Variants in KCNQ5 observed in about 807,000 individuals in gnomAD.
KCNQ5 encodes the protein potassium voltage-gated channel subfamily KQT member 5.
A neutral mutation model predicts 98.2 loss-of-function variants in KCNQ5; 30 were observed. The observed-to-expected ratio is 0.31, with a 90% confidence interval of 0.23 to 0.41. The LOEUF is 0.41. Among genes scored for constraint, KCNQ5 ranks in the 10% least tolerant of loss-of-function variants. The pLI is 1.00. For synonymous variants in KCNQ5, 458 were observed against 449.4 expected (o/e 1.02, Z -0.24); for missense variants, 835 against 1,182.5 (o/e 0.71, Z 4.31).
chr6:72,728,038 G>T (rs1472234589), intron 1 of KCNQ5, among the ~76,000 whole-genome samples: 1 of 152,110 alleles, frequency 6.6e-6, no homozygotes, highest in Non-Finnish European at 1.5e-5. Flanking sequence ...GTGTACTTCT[G>T]CTAACATACT....
At chr6:73,178,188 G>A (rs1361439786) in intron 11 of KCNQ5, among the ~76,000 whole-genome samples, 5 of 150,944 alleles carry the variant, frequency 3.3e-5, no homozygotes, top group South Asian at 4.2e-4. Context: ...AAATTTAGTC[G>A]CCATATCAAT....
chr6:72,728,249 A>G lies in KCNQ5; in HGVS notation c.398+105662A>G, dbSNP rs980982304. On this transcript the variant is annotated intron_variant, in intron 1 of 13. Coordinates refer to ENST00000370398, the MANE Select transcript of KCNQ5 (RefSeq NM_019842.4). ...ATGCCACCCACACACAAAATAGCTTACTTCTGTCTCATTTTGTATATAAAT... is the reference window on the plus strand; with the variant it reads ...ATGCCACCCACACACAAAATAGCTTGCTTCTGTCTCATTTTGTATATAAAT... 2.0e-4 allele frequency among the ~76,000 whole-genome samples: 30 copies of G among 152,262 alleles called. 1 individual carries two copies. Among genetic ancestry groups the G allele is most frequent in the Admixed American group, 1.9e-3 (29 of 15,292 alleles).
At chr6:72,974,487 G>C (rs561931222) in intron 1 of KCNQ5, among the ~76,000 whole-genome samples, 1 of 151,630 alleles carries the variant, frequency 6.6e-6, no homozygotes, top group African/African-American at 2.4e-5. Flanking sequence ...TGCCAGCCTC[G>C]TGCATTTTCA....
intron 6 of KCNQ5, among the ~76,000 whole-genome samples, chr6:73,109,733 G>C (rs1775150327): frequency 6.6e-6 from 1 of 152,154 alleles, no homozygotes; most frequent in Non-Finnish European, 1.5e-5. Context: ...GTATGAGATA[G>C]AGATCTTAGA....
chr6:72,838,343 A>G (rs1214099579), intron 1 of KCNQ5, among the ~76,000 whole-genome samples: 2 of 152,114 alleles, frequency 1.3e-5, no homozygotes, highest in South Asian at 2.1e-4. Context: ...GAAAAAAATA[A>G]TATTTTGTAA....
At chr6:72,628,270 G>A (rs12175428) in intron 1 of KCNQ5, among the ~76,000 whole-genome samples, 6 of 152,050 alleles carry the variant, frequency 3.9e-5, no homozygotes, top group Non-Finnish European at 7.4e-5. Context: ...TCATTTAAAA[G>A]AAAAAAGATA....
chr6:73,079,471 G>A (rs1773677549), intron 5 of KCNQ5, among the ~76,000 whole-genome samples: 1 of 152,184 alleles, frequency 6.6e-6, no homozygotes, highest in Non-Finnish European at 1.5e-5. Flanking sequence ...TCATCAGCAA[G>A]ACCCAGAACA....
chr6:72,974,613 T>C (rs2150288737), intron 1 of KCNQ5, among the ~76,000 whole-genome samples: 1 of 152,296 alleles, frequency 6.6e-6, no homozygotes, highest in Middle Eastern at 3.4e-3. Context: ...ATATGGGACA[T>C]GTTTATTTAG....
At chr6:73,141,963 T>G (rs554922375) in intron 10 of KCNQ5, among the ~76,000 whole-genome samples, 1 of 152,214 alleles carries the variant, frequency 6.6e-6, no homozygotes, top group East Asian at 1.9e-4. Context: ...AAATCTCATA[T>G]GAGGTTGCAG....
At chr6:73,118,788 G>A (rs369931107) in intron 7 of KCNQ5, among the ~76,000 whole-genome samples, 8 of 152,260 alleles carry the variant, frequency 5.3e-5, no homozygotes, top group African/African-American at 1.2e-4. Context: ...TTGGGAGGCC[G>A]AGGTGGCAGA....
Position 73,176,770 on chromosome 6 carries a change from G to A in KCNQ5, c.1577+6916G>A, listed in dbSNP as rs554755612. Among the ~76,000 whole-genome samples, 35 of 152,274 alleles carry A rather than the reference G, an allele frequency of 2.3e-4. No homozygotes were observed. The South Asian group carries it at 6.8e-3, about 30-fold the overall frequency. ...ATGGTGAGACAGGCTGGCTTGAGGG[G>A]AGATGGTGCATTATTGTGAGTGTTG... is the stretch of plus-strand genomic sequence containing the variant. On this transcript the variant is annotated intron_variant, in intron 11 of 13. Transcript: ENST00000370398.
At chr6:72,981,219 T>A (rs1768428201) in intron 1 of KCNQ5, among the ~76,000 whole-genome samples, 3 of 152,200 alleles carry the variant, frequency 2.0e-5, no homozygotes, top group Admixed American at 6.5e-5. Flanking sequence ...ATTGGAATAG[T>A]TTCAGAAGAA....
chr6:72,735,543 T>TA (rs879537790), intron 1 of KCNQ5, among the ~76,000 whole-genome samples: 2 of 152,128 alleles, frequency 1.3e-5, no homozygotes, highest in African/African-American at 4.8e-5. Flanking sequence ...ACTATCTTCA[T>TA]AAAAAATGAC....
chr6:72,789,275 G>C (rs576722826), intron 1 of KCNQ5, among the ~76,000 whole-genome samples: 2 of 152,228 alleles, frequency 1.3e-5, no homozygotes, highest in Non-Finnish European at 2.9e-5. Flanking sequence ...TTGTGCCTCA[G>C]CCTCCTGAGT....
At chr6:72,749,173 C>A (rs1234063106) in intron 1 of KCNQ5, among the ~76,000 whole-genome samples, 1 of 152,158 alleles carries the variant, frequency 6.6e-6, no homozygotes. Context: ...ATTCTCAACA[C>A]CCCAAAACAT....
intron 1 of KCNQ5, among the ~76,000 whole-genome samples, chr6:72,711,105 A>C (rs79323094): frequency 0.12 from 18,674 of 152,082 alleles, 1,318 homozygotes; most frequent in East Asian, 0.22. Flanking sequence ...GACTTTAAAG[A>C]AGTAACTAAG....
chr6:72,859,274 T>A (rs1777660752), intron 1 of KCNQ5, among the ~76,000 whole-genome samples: 1 of 152,156 alleles, frequency 6.6e-6, no homozygotes, highest in Non-Finnish European at 1.5e-5. Context: ...CCATAATGCC[T>A]TGAGAAAAAA....
At chr6:72,828,091 T>A (rs1334359276) in intron 1 of KCNQ5, among the ~76,000 whole-genome samples, 1 of 152,162 alleles carries the variant, frequency 6.6e-6, no homozygotes, top group South Asian at 2.1e-4. Flanking sequence ...CTTCTGTGTG[T>A]CTGTTTTTAT....
intron 3 of KCNQ5, among the ~76,000 whole-genome samples, chr6:73,069,329 G>T (rs1008751430): frequency 1.3e-5 from 2 of 151,478 alleles, no homozygotes; most frequent in Non-Finnish European, 2.9e-5. Context: ...TGGAATTTTC[G>T]TGTGTTCGTG....
Sources: gnomAD v4.1 joint callset for allele counts (sites outside exome capture counted in the v4.1 genomes callset) on GRCh38, gnomAD v4.1.1 for gene constraint, MANE v1.5 for transcripts, NCBI Gene and HGNC (gene_info 2026-07-23, HGNC 2026-07-21) for gene names.